Variants in NR3C2 observed in about 807,000 individuals in gnomAD.
NR3C2 encodes the protein mineralocorticoid receptor.
A neutral mutation model predicts 86.4 loss-of-function variants in NR3C2; 15 were observed. The observed-to-expected ratio is 0.17, with a 90% CI of 0.12 to 0.27. The LOEUF (loss-of-function observed/expected upper bound fraction) is 0.27. NR3C2 is among the 10% of genes least tolerant of loss of function. NR3C2 has a pLI of 1.00. For missense variants in NR3C2, 960 were observed against 1,195.6 expected, an observed-to-expected ratio of 0.80 and a Z score of 2.91; for synonymous variants, 458 against 450.5, an observed-to-expected ratio of 1.02 and a Z score of -0.21.
intron 2 of NR3C2, among the ~76,000 whole-genome samples, chr4:148,348,996 G>A (rs1745137494): frequency 6.6e-6 from 1 of 152,034 alleles, no homozygotes; most frequent in South Asian, 2.1e-4. Flanking sequence ...GTATTACCAA[G>A]CACAAGGAAA....
At chr4:148,297,913 G>T (rs1402883601) in intron 2 of NR3C2, among the ~76,000 whole-genome samples, 1 of 151,174 alleles carries the variant, frequency 6.6e-6, no homozygotes, top group Non-Finnish European at 1.5e-5. Flanking sequence ...AAATCACGTA[G>T]TATACATCTA....
intron 2 of NR3C2, among the ~76,000 whole-genome samples, chr4:148,387,526 C>G (rs952360623): frequency 6.6e-6 from 1 of 152,174 alleles, no homozygotes; most frequent in East Asian, 1.9e-4. Flanking sequence ...CAACTGTATA[C>G]TCTCAATTGT....
At chr4:148,348,135 T>C (rs61761518) in intron 2 of NR3C2, among the ~76,000 whole-genome samples, 1 of 152,090 alleles carries the variant, frequency 6.6e-6, no homozygotes, top group Non-Finnish European at 1.5e-5. Flanking sequence ...TCTGGAGAAT[T>C]TGAGAGACTG....
intron 7 of NR3C2, among the ~76,000 whole-genome samples, chr4:148,119,214 T>C (rs1295883601): frequency 6.6e-6 from 1 of 152,154 alleles, no homozygotes; most frequent in Non-Finnish European, 1.5e-5. Flanking sequence ...CTTTAAAAAA[T>C]AAATGAATAC....
chr4:148,260,195 T>C (rs1367182680), intron 2 of NR3C2, 78 bp from the exon 3 acceptor site: 3 of 1,577,600 alleles, frequency 1.9e-6, no homozygotes, highest in South Asian at 2.3e-5. Context: ...GCTCAAAATT[T>C]GTCAATAATC....
intron 2 of NR3C2, among the ~76,000 whole-genome samples, chr4:148,351,639 C>T (rs1000076126): frequency 4.6e-5 from 7 of 152,152 alleles, no homozygotes; most frequent in East Asian, 1.9e-4. Flanking sequence ...GAGAGCAGGG[C>T]GAGGGCAGCA....
intron 2 of NR3C2, among the ~76,000 whole-genome samples, chr4:148,271,399 G>A (rs1177733211): frequency 6.6e-6 from 1 of 151,992 alleles, no homozygotes; most frequent in Non-Finnish European, 1.5e-5. Flanking sequence ...TTTGAAGTTT[G>A]GGGTTGTTTC....
intron 4 of NR3C2, among the ~76,000 whole-genome samples, chr4:148,182,900 A>G (rs1027718225): frequency 6.6e-6 from 1 of 152,164 alleles, no homozygotes. Context: ...TATATGTGTC[A>G]TGTTGGTTTG....
intron 2 of NR3C2, among the ~76,000 whole-genome samples, chr4:148,308,493 C>T (rs990774776): frequency 2.0e-5 from 3 of 151,882 alleles, no homozygotes; most frequent in Non-Finnish European, 4.4e-5. Flanking sequence ...GAAAGTTAAA[C>T]ACTGCATTAC....
intron 6 of NR3C2, among the ~76,000 whole-genome samples, chr4:148,123,623 C>G (rs764344637): frequency 1.3e-5 from 2 of 152,228 alleles, no homozygotes; most frequent in Non-Finnish European, 2.9e-5. Context: ...TAAAATTCCT[C>G]TCTTTATACT....
intron 2 of NR3C2, among the ~76,000 whole-genome samples, chr4:148,307,526 CTTTTA>C (rs1742690948): frequency 1.3e-5 from 2 of 152,160 alleles, no homozygotes; most frequent in South Asian, 4.1e-4. Context: ...ACTTAAATAT[CTTTTA>C]TATCTAAATC....
At chr4:148,308,574 C>A (rs1187531795) in intron 2 of NR3C2, among the ~76,000 whole-genome samples, 3 of 151,916 alleles carry the variant, frequency 2.0e-5, no homozygotes, top group Non-Finnish European at 4.4e-5. Flanking sequence ...ATACTAGAGG[C>A]TGGGAAGGGT....
intron 6 of NR3C2, among the ~76,000 whole-genome samples, chr4:148,122,812 T>C (rs1732570191): frequency 6.6e-6 from 1 of 152,230 alleles, no homozygotes; most frequent in Non-Finnish European, 1.5e-5. Context: ...AGGATGTATG[T>C]CACCTCAGGA....
intron 8 of NR3C2, among the ~76,000 whole-genome samples, chr4:148,091,683 G>A (rs1355798495): frequency 6.6e-6 from 1 of 152,178 alleles, no homozygotes; most frequent in East Asian, 1.9e-4. Flanking sequence ...GTAGTGCACG[G>A]GTACACATTG....
At chr4:148,390,576 A>C (rs11725509) in intron 2 of NR3C2, among the ~76,000 whole-genome samples, 9,150 of 152,206 alleles carry the variant, frequency 0.06, 397 homozygotes, top group African/African-American at 0.13. Context: ...TGAATGAAAA[A>C]TACAACAAGG....
In NR3C2 at chr4:148,081,365, C is replaced by T. The variant is rs1207725457; in HGVS notation, c.2934G>A (p.Pro978=). Residue 978 remains proline (P), a synonymous_variant, in exon 9 of 9, where the codon CCG becomes CCA. Coordinates refer to ENST00000358102, the MANE Select transcript of NR3C2 (RefSeq NM_000901.5). ...GCAGTCACTTCCGGTGGAAGTAGAG[C>T]GGCTTGGCGTTCCCCGACTCCACCT... ...LPKVESGNAK[P]LYFHRK is the part of the protein sequence containing the mutation. The T allele has an allele frequency of 3.1e-6, 5 of 1,614,116 alleles. No individual in the cohort carries two copies. The highest frequency in any genetic ancestry group is 1.1e-5 in the South Asian group (1 of 91,066).
intron 2 of NR3C2, among the ~76,000 whole-genome samples, chr4:148,278,956 A>G (rs971109125): frequency 6.6e-6 from 1 of 152,018 alleles, no homozygotes; most frequent in Admixed American, 6.6e-5. Flanking sequence ...TGAGGTCAGG[A>G]GTTCGAGACC....
chr4:148,133,284 C>T (rs1392104815), intron 6 of NR3C2, among the ~76,000 whole-genome samples: 2 of 151,346 alleles, frequency 1.3e-5, no homozygotes, highest in Admixed American at 1.3e-4. Flanking sequence ...GATTTTAATA[C>T]TAAATTTCTG....
At chr4:148,264,267 C>T (rs1298624827) in intron 2 of NR3C2, among the ~76,000 whole-genome samples, 1 of 152,174 alleles carries the variant, frequency 6.6e-6, no homozygotes, top group South Asian at 2.1e-4. Context: ...TATTGACACA[C>T]TATCATGTGG....
Sources: allele counts gnomAD v4.1 joint callset (sites outside exome capture counted in the v4.1 genomes callset), GRCh38; gene constraint gnomAD v4.1.1; transcripts MANE v1.5; gene names NCBI Gene and HGNC (gene_info 2026-07-23, HGNC 2026-07-21).